PKM: variants seen among roughly 807,000 people sequenced by gnomAD.
PKM encodes the protein pyruvate kinase PKM.
In PKM, 18 loss-of-function variants were observed where a neutral mutation model predicts 49.8. That is an observed-to-expected ratio of 0.36 (90% CI 0.25 to 0.54). The LOEUF is 0.54. Among genes scored for constraint, PKM ranks in the 20% least tolerant of loss-of-function variants. The pLI is 0.89. For synonymous variants in PKM, 239 were observed against 261.8 expected (o/e 0.91, Z 0.84); for missense variants, 508 against 713.8 (o/e 0.71, Z 3.28).
At chr15:72,206,943 A>C (rs1354801010) in intron 7 of PKM, 63 bp from the exon 8 acceptor site, 2 of 1,579,764 alleles carry the variant, frequency 1.3e-6, no homozygotes, top group Non-Finnish European at 1.7e-6. Flanking sequence ...AAATGACAGC[A>C]AGCTGATCCT....
In PKM at chr15:72,202,910, C is replaced by A. The variant is rs1030915223; in HGVS notation, c.1141-290G>T. ...ACCTCCCTGGCGGTGTTCCTACAGACGAGAAGAGGCTCTGTGCCCAGATGC... is the reference window on the plus strand; with the variant it reads ...ACCTCCCTGGCGGTGTTCCTACAGAAGAGAAGAGGCTCTGTGCCCAGATGC... On this transcript the variant is annotated intron_variant, in intron 8 of 10. Coordinates refer to ENST00000335181, the MANE Select transcript of PKM (RefSeq NM_002654.6). The surrounding 1 kb of genome is among the most constrained non-coding windows in gnomAD (Gnocchi z 4.5). The A allele has an allele frequency of 1.0e-5, 12 of 1,143,526 alleles. No individual in the cohort carries two copies. The highest frequency in any genetic ancestry group is 1.4e-5 in the Non-Finnish European group (11 of 765,216). The allele number at this position is 1,143,526 out of a possible 1,614,324, so 70.8% of individuals were successfully genotyped here. A position where few individuals can be genotyped will look rare whatever the true frequency, so the allele number is the denominator to read the frequency against.
chr15:72,221,388 T>G lies in PKM; in HGVS notation c.-13-2278A>C, dbSNP rs1354148797. Reference sequence around the variant, plus strand: ...ATCCAGGTGACAGCTGCTCTAGAGATTCCACTGTTATGTCTCTTTAAACCT... The same window carrying G: ...ATCCAGGTGACAGCTGCTCTAGAGAGTCCACTGTTATGTCTCTTTAAACCT... On this transcript the variant is annotated intron_variant, in intron 1 of 10. Coordinates refer to ENST00000335181, the MANE Select transcript of PKM (RefSeq NM_002654.6). 4.7e-6 allele frequency: 3 copies of G among 631,746 alleles called. No individual in the cohort carries two copies. The African/African-American group carries it at 5.5e-5, about 12-fold the overall frequency. 39.1% of individuals were successfully genotyped at this position (631,746 alleles called of 1,614,324 possible).
At chr15:72,226,846 G>A (rs1441095277) in intron 1 of PKM, among the ~76,000 whole-genome samples, 1 of 152,202 alleles carries the variant, frequency 6.6e-6, no homozygotes, top group Admixed American at 6.5e-5. Flanking sequence ...AGAGGCCACC[G>A]AAGGTACTGC....
chr15:72,218,291 A>C (rs1024610111), intron 2 of PKM, among the ~76,000 whole-genome samples: 18 of 151,504 alleles, frequency 1.2e-4, no homozygotes, highest in African/African-American at 4.4e-4. Flanking sequence ...CCCCCGGCTA[A>C]TTTTTTTGTA....
chr15:72,224,325 T>G (rs1410700625), intron 1 of PKM, among the ~76,000 whole-genome samples: 1 of 152,052 alleles, frequency 6.6e-6, no homozygotes, highest in African/African-American at 2.4e-5. Context: ...TCCTCTTAAG[T>G]GCAACTAAGG....
chr15:72,218,843 T>G lies in PKM; in HGVS notation c.154+101A>C, dbSNP rs139265419. 46 of 1,199,704 alleles carry G rather than the reference T, an allele frequency of 3.8e-5. No individual in the cohort carries two copies. The African/African-American group carries it at 6.2e-4, about 16-fold the overall frequency. The allele number at this position is 1,199,704 out of a possible 1,614,324, so 74.3% of individuals were successfully genotyped here. A position where few individuals can be genotyped will look rare whatever the true frequency, so the allele number is the denominator to read the frequency against. ...TCATAAGAATCTGTGTAGTATCCCATGTAGCACCTAGGTTTGTTAGGACAT... is the reference window on the plus strand; with the variant it reads ...TCATAAGAATCTGTGTAGTATCCCAGGTAGCACCTAGGTTTGTTAGGACAT... On this transcript the variant is annotated intron_variant, in intron 2 of 10. Transcript: ENST00000335181.
intron 1 of PKM, among the ~76,000 whole-genome samples, chr15:72,227,081 C>G (rs1220077904): frequency 6.6e-6 from 1 of 152,224 alleles, no homozygotes. Flanking sequence ...TTAAATTACT[C>G]AATTATCCAG....
At chr15:72,230,860 G>A in intron 1 of PKM, 3 of 1,143,826 alleles carry the variant, frequency 2.6e-6, no homozygotes, top group Non-Finnish European at 3.5e-6. Context: ...ACCAGAATGA[G>A]GGGGTAGGGC....
chr15:72,210,707 T>A (rs1226018486), intron 3 of PKM, among the ~76,000 whole-genome samples: 1 of 152,110 alleles, frequency 6.6e-6, no homozygotes, highest in African/African-American at 2.4e-5. Flanking sequence ...AAAGGGCAAA[T>A]CTTTGAAATG....
At chr15:72,230,883 G>A (rs751229715) in intron 1 of PKM, 1 of 1,275,358 alleles carries the variant, frequency 7.8e-7, no homozygotes, top group South Asian at 1.2e-5. Context: ...GGGCGGGAAA[G>A]GAGCCGGCGG....
At chr15:72,230,897 C>T (rs2082845425) in intron 1 of PKM, 2 of 1,283,874 alleles carry the variant, frequency 1.6e-6, no homozygotes, top group Non-Finnish European at 2.0e-6. Context: ...CCGGCGGACC[C>T]GCCTGATCTG....
At chr15:72,222,568 C>T (rs1401271245) in intron 1 of PKM, 3 of 152,402 alleles carry the variant, frequency 2.0e-5, no homozygotes, top group Admixed American at 1.3e-4. Context: ...GCTGCCTGGA[C>T]AGTGCCTGCC....
intron 2 of PKM, 67 bp downstream of exon 2, chr15:72,218,877 T>C: frequency 6.5e-7 from 1 of 1,531,612 alleles, no homozygotes; most frequent in Non-Finnish European, 9.0e-7. Flanking sequence ...ATTTAGTTAC[T>C]CTTTTCAGGA....
chr15:72,217,185 A>G (rs990609720), intron 3 of PKM, among the ~76,000 whole-genome samples: 1 of 152,234 alleles, frequency 6.6e-6, no homozygotes, highest in Non-Finnish European at 1.5e-5. Context: ...GGAGAACCAC[A>G]GCCAGCAACA....
chr15:72,202,339 G>A lies in PKM; in HGVS notation c.1307+115C>T. The A allele has an allele frequency of 1.8e-6, 2 of 1,082,964 alleles. No individual in the cohort carries two copies. The highest frequency in any genetic ancestry group is 2.7e-6 in the Non-Finnish European group (2 of 728,082). The allele number at this position is 1,082,964 out of a possible 1,614,324, so 67.1% of individuals were successfully genotyped here. On this transcript the variant is annotated intron_variant, in intron 9 of 10. Coordinates refer to ENST00000335181, the MANE Select transcript of PKM (RefSeq NM_002654.6). This position sits in a 1 kb window ranked among gnomAD's most constrained non-coding sequence, Gnocchi z 4.5. ...CTGCAGGCCCAAGGTGGCAGGCAGA[G>A]GGGTCTTACCTTGGCTCAGTGCCAC...
In PKM at chr15:72,199,801, C is replaced by A. The variant is rs576211746; in HGVS notation, c.1490-45G>T. On this transcript the variant is annotated intron_variant, in intron 10 of 10. Transcript: ENST00000335181. Reference sequence around the variant, plus strand: ...GTTGGTGAGTAAAAGCCAAGCCAGGCAGGTTTGCACCTGGGCAGCTGCCCC... The same window carrying A: ...GTTGGTGAGTAAAAGCCAAGCCAGGAAGGTTTGCACCTGGGCAGCTGCCCC... 4.4e-6 allele frequency: 6 copies of A among 1,365,706 alleles called. No homozygotes were observed. In the Admixed American group the frequency reaches 1.1e-4, roughly 24 times the overall value. 84.6% of individuals were successfully genotyped at this position (1,365,706 alleles called of 1,614,324 possible).
chr15:72,222,470 C>T (rs1567129743), intron 1 of PKM: 3 of 152,264 alleles, frequency 2.0e-5, no homozygotes, highest in Admixed American at 6.5e-5. Context: ...ATGTAAAACA[C>T]TCACTGGACT....
intron 8 of PKM, chr15:72,204,633 C>T (rs2082027198): frequency 6.6e-6 from 1 of 152,174 alleles, no homozygotes; most frequent in South Asian, 2.1e-4. Context: ...AGATTACATC[C>T]ATGTACACAG....
chr15:72,225,493 T>A (rs2140800327), intron 1 of PKM, among the ~76,000 whole-genome samples: 1 of 152,248 alleles, frequency 6.6e-6, no homozygotes, highest in Non-Finnish European at 1.5e-5. Flanking sequence ...CATCATGCAT[T>A]TTGACACCCA....
Sources: allele counts gnomAD v4.1 joint callset (sites outside exome capture counted in the v4.1 genomes callset), GRCh38; gene constraint gnomAD v4.1.1; non-coding constraint Gnocchi (gnomAD v3.1); transcripts MANE v1.5; gene names NCBI Gene and HGNC (gene_info 2026-07-23, HGNC 2026-07-21).